The following ARID2 variants were observed in gnomAD, a reference collection of about 807,000 sequenced individuals.
ARID2 encodes AT-rich interactive domain-containing protein 2.
A neutral mutation model predicts 184.6 loss-of-function variants in ARID2; 32 were observed. The observed-to-expected ratio is 0.17, with a 90% CI of 0.13 to 0.23. ARID2 has a LOEUF of 0.23. Among genes scored for constraint, ARID2 ranks in the 10% least tolerant of loss-of-function variants. ARID2 has a pLI of 1.00. For synonymous variants in ARID2, 836 were observed against 772.6 expected (o/e 1.08, Z -1.36); for missense variants, 1,696 against 2,197.6 (o/e 0.77, Z 4.56).
At chr12:45,742,816 A>G (rs895864108) in intron 3 of ARID2, among the ~76,000 whole-genome samples, 1 of 152,216 alleles carries the variant, frequency 6.6e-6, no homozygotes, top group Non-Finnish European at 1.5e-5. Flanking sequence ...CTAGTTACTA[A>G]AGTGGGGATT....
chr12:45,867,988 C>G (rs772764622), intron 16 of ARID2, among the ~76,000 whole-genome samples: 1 of 152,094 alleles, frequency 6.6e-6, no homozygotes, highest in Non-Finnish European at 1.5e-5. Flanking sequence ...TGTATTCTGC[C>G]TCTTCATCTT....
At chr12:45,751,799 A>T (rs902802609) in intron 3 of ARID2, among the ~76,000 whole-genome samples, 3 of 152,182 alleles carry the variant, frequency 2.0e-5, no homozygotes, top group African/African-American at 7.2e-5. Context: ...GTGTATCTAA[A>T]CATAGCTAAA....
intron 3 of ARID2, among the ~76,000 whole-genome samples, chr12:45,799,326 T>G (rs1156528319): frequency 6.6e-6 from 1 of 152,180 alleles, no homozygotes; most frequent in Admixed American, 6.5e-5. Flanking sequence ...TAGATTCAGT[T>G]TATTTTGATA....
chr12:45,794,130 G>A (rs932518100), intron 3 of ARID2, among the ~76,000 whole-genome samples: 3 of 152,144 alleles, frequency 2.0e-5, no homozygotes, highest in Non-Finnish European at 2.9e-5. Context: ...CCCAGTTGCC[G>A]TCAATCAGAA....
At chr12:45,776,961 T>TC (rs1382913345) in intron 3 of ARID2, among the ~76,000 whole-genome samples, 2 of 151,356 alleles carry the variant, frequency 1.3e-5, no homozygotes, top group African/African-American at 4.8e-5. Context: ...TTATGTGGTT[T>TC]TTTTTTTTAA....
At chr12:45,903,241 A>T (rs1191269582) in intron 20 of ARID2, among the ~76,000 whole-genome samples, 1 of 152,012 alleles carries the variant, frequency 6.6e-6, no homozygotes, top group African/African-American at 2.4e-5. Flanking sequence ...TCTGCTTTTG[A>T]TGGGCAAATG....
At chr12:45,764,548 C>T (rs1011399329) in intron 3 of ARID2, among the ~76,000 whole-genome samples, 2 of 152,132 alleles carry the variant, frequency 1.3e-5, no homozygotes, top group Non-Finnish European at 2.9e-5. Context: ...CTCTGGCAAC[C>T]GCTAATCTGT....
At chr12:45,767,619 A>G (rs954655709) in intron 3 of ARID2, among the ~76,000 whole-genome samples, 1 of 152,166 alleles carries the variant, frequency 6.6e-6, no homozygotes, top group Non-Finnish European at 1.5e-5. Context: ...ACTTGAGCCT[A>G]GGAGTTGGAG....
At position 45,905,209 on chromosome 12, in the gene ARID2, GA is replaced by G; in HGVS notation, c.*132del. Reference sequence around the variant, plus strand: ...TTATTTTATCTCCTCCCATGATGCTGAGAGGAAGCTTCGTATTCTGATCTCT... The same window carrying G: ...TTATTTTATCTCCTCCCATGATGCTGGAGGAAGCTTCGTATTCTGATCTCT... On this transcript the variant is annotated 3_prime_UTR_variant, in exon 21 of 21. Transcript: ENST00000334344. 1.8e-5 allele frequency: 16 copies of G among 897,832 alleles called. No homozygotes were observed. Among genetic ancestry groups the G allele is most frequent in the South Asian group, 2.5e-5 (1 of 40,642 alleles). 55.6% of individuals were successfully genotyped at this position (897,832 alleles called of 1,614,324 possible). A position where few individuals can be genotyped will look rare whatever the true frequency, so the allele number is the denominator to read the frequency against.
intron 3 of ARID2, among the ~76,000 whole-genome samples, chr12:45,776,924 A>G (rs1003187139): frequency 2.6e-5 from 4 of 151,248 alleles, no homozygotes; most frequent in Non-Finnish European, 5.9e-5. Context: ...CTGGGGTTAC[A>G]GGCACACACC....
intron 20 of ARID2, among the ~76,000 whole-genome samples, chr12:45,899,424 G>GAAACCCCA (rs1467711914): frequency 1.3e-5 from 2 of 148,822 alleles, no homozygotes; most frequent in East Asian, 3.9e-4. Context: ...CTAACACAGT[G>GAAACCCCA]AAACCCCATC....
intron 3 of ARID2, among the ~76,000 whole-genome samples, chr12:45,787,245 T>C (rs1943223728): frequency 6.7e-6 from 1 of 149,718 alleles, no homozygotes; most frequent in Admixed American, 6.7e-5. Flanking sequence ...AAAGACAGGG[T>C]CTCCCTCTGT....
rs771332266 is a variant in ARID2, at chr12:45,850,075, A to C, written c.1952A>C (p.Gln651Pro). The C allele has an allele frequency of 5.0e-5, 80 of 1,613,732 alleles. No homozygotes were observed. The highest frequency in any genetic ancestry group is 6.7e-5 in the Non-Finnish European group (79 of 1,179,850). ...TCACAAACCATAGGAAACCATTTTCAGAGGACTCCTGTTGCCAACCAATCT... is the reference window on the plus strand; with the variant it reads ...TCACAAACCATAGGAAACCATTTTCCGAGGACTCCTGTTGCCAACCAATCT... ...HGSQTIGNHF[Q>P]RTPVANQSSN... The change falls in exon 15 of 21, where the codon CAG (glutamine) becomes CCG (proline). Residue 651 changes from glutamine to proline, a missense_variant. Transcript: ENST00000334344.
Position 45,846,786 on chromosome 12 carries a change from A to AT in ARID2, c.1499-69dup, listed in dbSNP as rs1943450347. On this transcript the variant is annotated intron_variant, in intron 11 of 20. Coordinates refer to ENST00000334344, the MANE Select transcript of ARID2 (RefSeq NM_152641.4). ...CATTGTGTTAATGGGTTCAATATCC[A>AT]TAAAAAAAAGTATGGCAAATAGTGA... The AT allele has an allele frequency of 2.7e-6, 4 of 1,457,806 alleles. No homozygotes were observed. The African/African-American group carries it at 4.2e-5, about 15-fold the overall frequency. 90.3% of individuals were successfully genotyped at this position (1,457,806 alleles called of 1,614,324 possible).
At chr12:45,862,112 A>C (rs1421463358) in intron 16 of ARID2, among the ~76,000 whole-genome samples, 1 of 152,222 alleles carries the variant, frequency 6.6e-6, no homozygotes, top group Non-Finnish European at 1.5e-5. Flanking sequence ...ATAGGATAGC[A>C]ATGATCAAAC....
chr12:45,846,223 A>G (rs1269363630), intron 11 of ARID2, among the ~76,000 whole-genome samples: 2 of 152,176 alleles, frequency 1.3e-5, no homozygotes, highest in African/African-American at 2.4e-5. Context: ...CAAATTTATT[A>G]TTACAACAGA....
intron 20 of ARID2, among the ~76,000 whole-genome samples, chr12:45,898,481 CAAAG>C (rs1317753938): frequency 6.6e-6 from 1 of 152,068 alleles, no homozygotes; most frequent in Admixed American, 6.5e-5. Flanking sequence ...TAAAACACAA[CAAAG>C]GAAGGATTTG....
At chr12:45,874,778 G>A (rs912484136) in intron 16 of ARID2, among the ~76,000 whole-genome samples, 3 of 152,194 alleles carry the variant, frequency 2.0e-5, no homozygotes, top group Admixed American at 2.0e-4. Context: ...TACTTTGCCA[G>A]ATCTATCCAT....
chr12:45,897,315 T>C (rs1326182856), intron 20 of ARID2, among the ~76,000 whole-genome samples: 1 of 152,214 alleles, frequency 6.6e-6, no homozygotes, highest in Non-Finnish European at 1.5e-5. Context: ...AAAAGCTTTA[T>C]AATATTGGAT....
Sources: gnomAD v4.1 joint callset for allele counts (sites outside exome capture counted in the v4.1 genomes callset) on GRCh38, gnomAD v4.1.1 for gene constraint, MANE v1.5 for transcripts, NCBI Gene and HGNC (gene_info 2026-07-23, HGNC 2026-07-21) for gene names.